The following ADAMTS6 variants were observed in gnomAD, a reference collection of about 807,000 sequenced individuals.
ADAMTS6 encodes A disintegrin and metalloproteinase with thrombospondin motifs 6.
A neutral mutation model predicts 144.3 loss-of-function variants in ADAMTS6; 23 were observed. The ratio of observed to expected loss-of-function variants is 0.16; its 90% confidence interval spans 0.11 to 0.23. The LOEUF (loss-of-function observed/expected upper bound fraction) is 0.23, where lower values mean the gene tolerates loss of function less well. Ranked by LOEUF, ADAMTS6 falls within the 10% of genes least tolerant of loss-of-function variation. ADAMTS6 has a pLI of 1.00. For missense variants in ADAMTS6, 999 were observed against 1,379.6 expected, an observed-to-expected ratio of 0.72 and a Z score of 4.37; for synonymous variants, 444 against 457.5, an observed-to-expected ratio of 0.97 and a Z score of 0.38.
At chr5:65,322,882 GCCT>G (rs559672334) in intron 9 of ADAMTS6, among the ~76,000 whole-genome samples, 115 of 152,124 alleles carry the variant, frequency 7.6e-4, no homozygotes, top group African/African-American at 2.7e-3. Context: ...TCTTTCTCTT[GCCT>G]GACTGCCCTG....
intron 7 of ADAMTS6, among the ~76,000 whole-genome samples, chr5:65,395,630 T>C (rs1753273120): frequency 6.6e-6 from 1 of 152,172 alleles, no homozygotes; most frequent in Non-Finnish European, 1.5e-5. Flanking sequence ...CCACTAACCA[T>C]GCCTCCCCAA....
chr5:65,154,490 A>G (rs529573065), intron 24 of ADAMTS6, among the ~76,000 whole-genome samples: 1 of 152,330 alleles, frequency 6.6e-6, no homozygotes, highest in African/African-American at 2.4e-5. Flanking sequence ...CGTTGGGATT[A>G]TGAGTGTCCC....
At chr5:65,412,807 G>A (rs1485006328) in intron 7 of ADAMTS6, among the ~76,000 whole-genome samples, 1 of 152,058 alleles carries the variant, frequency 6.6e-6, no homozygotes, top group African/African-American at 2.4e-5. Context: ...TTGAAAATTA[G>A]CAGTTGAAGT....
At chr5:65,410,361 A>G (rs1294868127) in intron 7 of ADAMTS6, among the ~76,000 whole-genome samples, 2 of 152,224 alleles carry the variant, frequency 1.3e-5, no homozygotes, top group African/African-American at 4.8e-5. Context: ...AATTATGGGT[A>G]AAAGTTACAG....
chr5:65,329,487 A>G lies in ADAMTS6; in HGVS notation c.1118-4T>C. The G allele has an allele frequency of 6.2e-7, 1 of 1,605,394 alleles. No individual in the cohort carries two copies. On this transcript the variant is annotated splice_polypyrimidine_tract_variant and splice_region_variant and intron_variant, in intron 8 of 24. Transcript: ENST00000381055. ...ATTCCAGCCACAGAGGCCAAGCCTG[A>G]ATAAACAGAAAGAGACACAAAGGGT...
At chr5:65,212,617 A>G (rs1179390016) in intron 20 of ADAMTS6, among the ~76,000 whole-genome samples, 2 of 151,546 alleles carry the variant, frequency 1.3e-5, no homozygotes, top group African/African-American at 4.8e-5. Flanking sequence ...TTGTTGGATT[A>G]TCTCCTTTCT....
rs750991712 is a variant in ADAMTS6 at position 65,214,655 on chromosome 5, T to G, written c.2575+139A>C. 4 of 1,223,200 alleles carry G rather than the reference T, an allele frequency of 3.3e-6. No individual in the cohort carries two copies. Among genetic ancestry groups the G allele is most frequent in the Non-Finnish European group, 4.7e-6 (4 of 856,378 alleles). 75.8% of individuals were successfully genotyped at this position (1,223,200 alleles called of 1,614,324 possible). Reference sequence around the variant, plus strand: ...AATATAATATAATTAAAGCAAAGTTTCTTTTGCTAAATTACAGCTTGAAGC... The same window carrying G: ...AATATAATATAATTAAAGCAAAGTTGCTTTTGCTAAATTACAGCTTGAAGC... On this transcript the variant is annotated intron_variant, in intron 20 of 24. Coordinates refer to ENST00000381055, the MANE Select transcript of ADAMTS6 (RefSeq NM_197941.4). The surrounding 1 kb of genome is among the most constrained non-coding windows in gnomAD (Gnocchi z 4.6).
At position 65,242,186 on chromosome 5, in the gene ADAMTS6, T is replaced by G. The variant is rs1480353276; in HGVS notation, c.1851A>C (p.Arg617=). Residue 617 remains arginine, a synonymous_variant, in exon 15 of 25, where the codon CGA becomes CGC. Coordinates refer to ENST00000381055, the MANE Select transcript of ADAMTS6 (RefSeq NM_197941.4). ...CNTDPCPLGS[R]DFREKQCADF... is the part of the protein sequence containing the mutation. ...CTGCACACTGTTTCTCTCGAAAATC[T>G]CGGGAACCCAAAGGGCATGGCTAAA... The G allele has an allele frequency of 6.3e-7, 1 of 1,598,482 alleles. No homozygotes were observed. Among genetic ancestry groups the G allele is most frequent in the South Asian group, 1.1e-5 (1 of 88,430 alleles).
At chr5:65,413,440 T>C (rs983385200) in intron 7 of ADAMTS6, among the ~76,000 whole-genome samples, 1 of 152,108 alleles carries the variant, frequency 6.6e-6, no homozygotes, top group African/African-American at 2.4e-5. Flanking sequence ...TTAAGGAAAA[T>C]TCTTTTAATA....
chr5:65,282,514 G>A (rs1334814709), intron 11 of ADAMTS6, among the ~76,000 whole-genome samples: 1 of 152,020 alleles, frequency 6.6e-6, no homozygotes, highest in Admixed American at 6.6e-5. Context: ...GAAAAGACCT[G>A]GAAAGGGAAG....
At chr5:65,291,177 C>A in intron 11 of ADAMTS6, 152 bp downstream of exon 11, 1 of 811,132 alleles carries the variant, frequency 1.2e-6, no homozygotes, top group Non-Finnish European at 1.8e-6. Flanking sequence ...AAATATTGTA[C>A]ATATGATGTC....
At chr5:65,334,754 T>A (rs1731938559) in intron 7 of ADAMTS6, among the ~76,000 whole-genome samples, 1 of 152,128 alleles carries the variant, frequency 6.6e-6, no homozygotes, top group African/African-American at 2.4e-5. Context: ...GCATTATAAC[T>A]CAATACAAAA....
intron 7 of ADAMTS6, among the ~76,000 whole-genome samples, chr5:65,345,418 T>C (rs1043371747): frequency 3.3e-5 from 5 of 151,776 alleles, no homozygotes; most frequent in East Asian, 1.9e-4. Context: ...TAATATAGTA[T>C]TGCCTTGGTA....
At position 65,224,924 on chromosome 5, in the gene ADAMTS6, C is replaced by A; in HGVS notation, c.2191G>T (p.Gly731Cys). The A allele has an allele frequency of 6.2e-7, 1 of 1,612,280 alleles. No homozygotes were observed. The highest frequency in any genetic ancestry group is 8.5e-7 in the Non-Finnish European group (1 of 1,179,342). ...GFFNDSLPRG[G>C]YMEVVQIPRG... is the part of the protein sequence containing the mutation. ...GGAAGAGTTCTCTCTACATACTCAC[C>A]TCCCCTGGGCAGTGAATCATTGAAG... is the stretch of plus-strand genomic sequence containing the variant. The change falls in exon 17 of 25, where the codon GGC becomes TGC. Residue 731 changes from glycine to cysteine, a missense_variant and splice_region_variant. Gly to Cys is a radical substitution (Grantham distance 159). Around this residue, in one of 3 missense-constraint regions of ADAMTS6, gnomAD observed 619 missense variants for 837.0 expected, o/e 0.74. Coordinates refer to ENST00000381055, the MANE Select transcript of ADAMTS6 (RefSeq NM_197941.4).
intron 15 of ADAMTS6, among the ~76,000 whole-genome samples, chr5:65,234,296 C>G (rs1373391283): frequency 6.6e-6 from 1 of 151,192 alleles, no homozygotes; most frequent in East Asian, 1.9e-4. Flanking sequence ...CTATGTCAAA[C>G]TAAAAAGTTT....
intron 2 of ADAMTS6, among the ~76,000 whole-genome samples, chr5:65,471,844 A>G (rs1760472381): frequency 6.6e-6 from 1 of 152,198 alleles, no homozygotes; most frequent in Admixed American, 6.5e-5. Context: ...ACAGTCTGAC[A>G]ATTCCTCAAA....
intron 14 of ADAMTS6, among the ~76,000 whole-genome samples, chr5:65,244,488 A>G (rs889099520): frequency 6.6e-6 from 1 of 152,158 alleles, no homozygotes; most frequent in African/African-American, 2.4e-5. Flanking sequence ...GAAGCACTTG[A>G]TAACATTTCA....
intron 7 of ADAMTS6, among the ~76,000 whole-genome samples, chr5:65,451,030 C>T (rs557261999): frequency 3.9e-5 from 6 of 152,220 alleles, no homozygotes; most frequent in Non-Finnish European, 8.8e-5. Flanking sequence ...AGTTGTATAA[C>T]TGCCAGTCTC....
chr5:65,272,062 T>C (rs1321951768), intron 12 of ADAMTS6, among the ~76,000 whole-genome samples: 1 of 152,176 alleles, frequency 6.6e-6, no homozygotes, highest in Admixed American at 6.5e-5. Flanking sequence ...CACTAGGTCA[T>C]GGGTCCTGAA....
Sources: gnomAD v4.1 joint callset for allele counts (sites outside exome capture counted in the v4.1 genomes callset) on GRCh38, gnomAD v4.1.1 for gene constraint, gnomAD v4.1.1 regional missense constraint, Gnocchi (gnomAD v3.1) non-coding constraint, MANE v1.5 for transcripts, NCBI Gene and HGNC (gene_info 2026-07-23, HGNC 2026-07-21) for gene names.